MOB3B: variants seen among roughly 807,000 people sequenced by gnomAD.
The protein encoded by MOB3B is MOB kinase activator 3B.
Under a neutral mutation model 18.7 loss-of-function variants are expected in MOB3B, and 7 were observed. That is an observed-to-expected ratio of 0.37 (90% CI 0.21 to 0.70). The LOEUF (loss-of-function observed/expected upper bound fraction) is 0.70. MOB3B is among the 30% of genes least tolerant of loss of function. The probability of loss-of-function intolerance (pLI) is 0.52; values close to 1 mark genes in which losing one functional copy is unlikely to be tolerated. For missense variants in MOB3B, 253 were observed against 281.3 expected (o/e 0.90, Z 0.72); for synonymous variants, 111 against 99.9 (o/e 1.11, Z -0.66).
At chr9:27,480,227 G>A (rs1951796464) in intron 1 of MOB3B, among the ~76,000 whole-genome samples, 1 of 151,730 alleles carries the variant, frequency 6.6e-6, no homozygotes, top group Non-Finnish European at 1.5e-5. Context: ...TCGGCTCACT[G>A]CAACTGCAAC....
chr9:27,487,702 A>C (rs542189443), intron 1 of MOB3B, among the ~76,000 whole-genome samples: 84 of 152,218 alleles, frequency 5.5e-4, no homozygotes, highest in Non-Finnish European at 1.1e-3. Context: ...TGACCCTTAG[A>C]AGCAAGAGTT....
chr9:27,377,435 C>A (rs1035817651), intron 2 of MOB3B, among the ~76,000 whole-genome samples: 5 of 152,158 alleles, frequency 3.3e-5, no homozygotes, highest in Non-Finnish European at 7.4e-5. Context: ...GCTTGGTCAT[C>A]TGGACCTCAA....
intron 2 of MOB3B, among the ~76,000 whole-genome samples, chr9:27,405,283 T>G (rs530485701): frequency 1.3e-5 from 2 of 152,076 alleles, no homozygotes; most frequent in Admixed American, 6.5e-5. Context: ...AGTTTTTGTA[T>G]TTTTAGTAGA....
intron 1 of MOB3B, among the ~76,000 whole-genome samples, chr9:27,460,390 G>A (rs558543705): frequency 1.4e-4 from 21 of 152,250 alleles, no homozygotes; most frequent in Admixed American, 3.3e-4. Flanking sequence ...GAGAGAATTC[G>A]GCTGGGCTGC....
intron 3 of MOB3B, among the ~76,000 whole-genome samples, chr9:27,333,003 G>C (rs1820809873): frequency 6.6e-6 from 1 of 152,182 alleles, no homozygotes; most frequent in Non-Finnish European, 1.5e-5. Flanking sequence ...CAAAATGCCA[G>C]ATTTTTTTCT....
At chr9:27,387,374 TAA>T (rs1447026826) in intron 2 of MOB3B, among the ~76,000 whole-genome samples, 2 of 152,166 alleles carry the variant, frequency 1.3e-5, no homozygotes, top group Admixed American at 1.3e-4. Context: ...TTGGAAATAG[TAA>T]AGAGCCTGGA....
At chr9:27,501,311 T>C (rs1303110261) in intron 1 of MOB3B, among the ~76,000 whole-genome samples, 2 of 152,180 alleles carry the variant, frequency 1.3e-5, no homozygotes, top group Non-Finnish European at 2.9e-5. Context: ...CGTATGTTTA[T>C]TGCGGCACTA....
chr9:27,490,800 G>A (rs977353905), intron 1 of MOB3B, among the ~76,000 whole-genome samples: 2 of 152,176 alleles, frequency 1.3e-5, no homozygotes, highest in African/African-American at 4.8e-5. Context: ...GTAGCCACGT[G>A]AAACTAGAAT....
At chr9:27,453,300 T>G (rs758459356) in intron 2 of MOB3B, among the ~76,000 whole-genome samples, 1 of 152,202 alleles carries the variant, frequency 6.6e-6, no homozygotes, top group Non-Finnish European at 1.5e-5. Context: ...TTTCCCAAAC[T>G]TATTTTTCCT....
chr9:27,398,650 A>G (rs1041231352), intron 2 of MOB3B, among the ~76,000 whole-genome samples: 34 of 152,200 alleles, frequency 2.2e-4, no homozygotes, highest in Non-Finnish European at 4.3e-4. Flanking sequence ...TGCATGTACC[A>G]CCTACCAGAG....
chr9:27,405,693 C>T (rs1222617710), intron 2 of MOB3B, among the ~76,000 whole-genome samples: 2 of 152,126 alleles, frequency 1.3e-5, no homozygotes, highest in Non-Finnish European at 2.9e-5. Flanking sequence ...TATAGGCCAA[C>T]ATCTTTGATG....
At chr9:27,527,340 G>T (rs1563891405) in intron 1 of MOB3B, among the ~76,000 whole-genome samples, 1 of 151,858 alleles carries the variant, frequency 6.6e-6, no homozygotes, top group Non-Finnish European at 1.5e-5. Flanking sequence ...TTTGTAAAGT[G>T]CCTTGCAGTA....
intron 1 of MOB3B, among the ~76,000 whole-genome samples, chr9:27,469,580 G>T (rs1174049195): frequency 6.6e-6 from 1 of 152,188 alleles, no homozygotes; most frequent in Non-Finnish European, 1.5e-5. Flanking sequence ...CTGAACATCA[G>T]TTAATTCAAT....
chr9:27,446,548 T>A (rs554431141), intron 2 of MOB3B, among the ~76,000 whole-genome samples: 1 of 152,298 alleles, frequency 6.6e-6, no homozygotes, highest in Middle Eastern at 3.4e-3. Flanking sequence ...ACATGGATGA[T>A]CAACTCCACA....
At chr9:27,492,128 C>T (rs1304952068) in intron 1 of MOB3B, among the ~76,000 whole-genome samples, 1 of 152,084 alleles carries the variant, frequency 6.6e-6, no homozygotes, top group Admixed American at 6.5e-5. Context: ...TTGCACATTG[C>T]TGTTTGTGCC....
chr9:27,455,806 C>T, intron 1 of MOB3B, 58 bp from the exon 2 acceptor site: 1 of 1,368,366 alleles, frequency 7.3e-7, no homozygotes, highest in Non-Finnish European at 9.4e-7. Flanking sequence ...TAAAAAATGA[C>T]AGTCTTCAAC....
intron 1 of MOB3B, among the ~76,000 whole-genome samples, chr9:27,484,985 C>G (rs774404277): frequency 4.6e-5 from 7 of 152,136 alleles, no homozygotes; most frequent in Non-Finnish European, 1.0e-4. Context: ...AACACATGAA[C>G]CACCCCGGAA....
chr9:27,466,658 GGGA>G (rs1278468127), intron 1 of MOB3B, among the ~76,000 whole-genome samples: 3 of 152,254 alleles, frequency 2.0e-5, no homozygotes, highest in Admixed American at 2.0e-4. Flanking sequence ...GAATCATAGT[GGGA>G]GGCAGAAGGC....
At chr9:27,449,107 T>C (rs1404648613) in intron 2 of MOB3B, among the ~76,000 whole-genome samples, 1 of 152,192 alleles carries the variant, frequency 6.6e-6, no homozygotes, top group Non-Finnish European at 1.5e-5. Flanking sequence ...TCTCTAGAGT[T>C]AGATGCTCAT....
Sources: allele counts gnomAD v4.1 joint callset (sites outside exome capture counted in the v4.1 genomes callset), GRCh38; gene constraint gnomAD v4.1.1; transcripts MANE v1.5; gene names NCBI Gene and HGNC (gene_info 2026-07-23, HGNC 2026-07-21).